MYH1: variants seen among roughly 807,000 people sequenced by gnomAD.
MYH1 encodes the protein myosin-1.
Under a neutral mutation model 225.6 loss-of-function variants are expected in MYH1, and 214 were observed. The observed-to-expected ratio is 0.95, with a 90% confidence interval of 0.85 to 1.06. MYH1 has a LOEUF of 1.06. Among genes scored for constraint, MYH1 ranks in the 50% least tolerant of loss-of-function variants. The pLI is 0.00. For synonymous variants in MYH1, 774 were observed against 842.3 expected (o/e 0.92, Z 1.40); for missense variants, 2,098 against 2,344.2 (o/e 0.89, Z 2.17).
Position 10,501,448 on chromosome 17 carries a change from C to T in MYH1, c.3400G>A (p.Ala1134Thr). 5 of 1,614,250 alleles carry T rather than the reference C, an allele frequency of 3.1e-6. No individual in the cohort carries two copies. Among genetic ancestry groups the T allele is most frequent in the Non-Finnish European group, 4.2e-6 (5 of 1,180,046 alleles). The change falls in exon 27 of 40, where the codon GCC becomes ACC. Residue 1134 changes from alanine (A) to threonine (T), a missense_variant. Physicochemically the swap from Ala to Thr is moderately conservative, Grantham distance 58. Coordinates refer to ENST00000226207, the MANE Select transcript of MYH1 (RefSeq NM_005963.4). ...EEIEAERASR[A>T]KAEKQRSDLS... ...TCAGAGCGCTGCTTCTCTGCTTTGG[C>T]CCGGGAGGCCCGCTCTGCCTCGATT...
At chr17:10,496,949 T>C in intron 33 of MYH1, 120 bp downstream of exon 33, 1 of 1,304,314 alleles carries the variant, frequency 7.7e-7, no homozygotes, top group South Asian at 1.5e-5. Context: ...AGTTCTCCAT[T>C]CTCATCCCTA....
rs751073866 is a variant in MYH1, at chr17:10,501,447, G to A, written c.3401C>T (p.Ala1134Val). The change falls in exon 27 of 40, where the codon GCC becomes GTC. Residue 1134 changes from alanine to valine, a missense_variant. Ala to Val is a moderately conservative substitution (Grantham distance 64, BLOSUM62 0). Coordinates refer to ENST00000226207, the MANE Select transcript of MYH1 (RefSeq NM_005963.4). ...EEIEAERASRAKAEKQRSDLS... is the reference protein window; with the variant it reads ...EEIEAERASRVKAEKQRSDLS... The stretch of plus-strand genomic sequence containing the variant: ...ATCAGAGCGCTGCTTCTCTGCTTTG[G>A]CCCGGGAGGCCCGCTCTGCCTCGAT... 1.9e-6 allele frequency: 3 copies of A among 1,614,246 alleles called. No homozygotes were observed. Among genetic ancestry groups the A allele is most frequent in the Non-Finnish European group, 2.5e-6 (3 of 1,180,054 alleles).
At chr17:10,501,540 G>T in intron 26 of MYH1, 41 bp from the exon 27 acceptor site, 1 of 1,614,172 alleles carries the variant, frequency 6.2e-7, no homozygotes, top group South Asian at 1.1e-5. Context: ...TCAACTTCTT[G>T]GTGTCAGTAA....
intron 17 of MYH1, 115 bp downstream of exon 17, chr17:10,507,771 T>C: frequency 1.2e-6 from 1 of 854,168 alleles, no homozygotes; most frequent in Non-Finnish European, 1.9e-6. Context: ...CCAGCTGAAC[T>C]ATCTCGTTGA....
At position 10,497,135 on chromosome 17, in the gene MYH1, C is replaced by T. The variant is rs766676567; in HGVS notation, c.4590G>A (p.Leu1530=). The T allele has an allele frequency of 1.2e-5, 19 of 1,613,946 alleles. No individual in the cohort carries two copies. Among genetic ancestry groups the T allele is most frequent in the Non-Finnish European group, 1.1e-5 (13 of 1,180,010 alleles). Reference sequence around the variant, plus strand: ...GCTCAACTTGCTTCTTTATTTTTTCCAGTTCATGGATGCGCTTTCCTCCTT... The same window carrying T: ...GCTCAACTTGCTTCTTTATTTTTTCTAGTTCATGGATGCGCTTTCCTCCTT... ...IAEGGKRIHE[L]EKIKKQVEQE... Residue 1530 remains leucine, a synonymous_variant, in exon 33 of 40, where the codon CTG becomes CTA. Coordinates refer to ENST00000226207, the MANE Select transcript of MYH1 (RefSeq NM_005963.4).
intron 10 of MYH1, 36 bp downstream of exon 10, chr17:10,512,831 C>A (rs778710569): frequency 5.0e-6 from 8 of 1,599,256 alleles, no homozygotes; most frequent in Non-Finnish European, 6.9e-6. Flanking sequence ...GAAGATAGTA[C>A]AGTGACAATC....
At chr17:10,505,751 T>C in intron 19 of MYH1, 61 bp downstream of exon 19, 1 of 1,599,196 alleles carries the variant, frequency 6.3e-7, no homozygotes, top group East Asian at 2.2e-5. Flanking sequence ...ATTCTTTCAT[T>C]GAAAAATGTT....
intron 5 of MYH1, among the ~76,000 whole-genome samples, chr17:10,515,245 C>G (rs1015720641): frequency 6.6e-6 from 1 of 152,150 alleles, no homozygotes; most frequent in Non-Finnish European, 1.5e-5. Context: ...TGTCAGATGA[C>G]TTCACAAAGA....
Position 10,502,922 on chromosome 17 carries a change from G to T in MYH1, c.2935-8C>A. Reference sequence around the variant, plus strand: ...TTCTGTGAGGTTTTTCACCTACAAAGGTGAAGAAAGCAGCTTAGTTGCTCT... The same window carrying T: ...TTCTGTGAGGTTTTTCACCTACAAATGTGAAGAAAGCAGCTTAGTTGCTCT... On this transcript the variant is annotated splice_region_variant and splice_polypyrimidine_tract_variant and intron_variant, in intron 23 of 39. Transcript: ENST00000226207. 6.2e-7 allele frequency: 1 copy of T among 1,614,116 alleles called. No individual in the cohort carries two copies. The highest frequency in any genetic ancestry group is 8.5e-7 in the Non-Finnish European group (1 of 1,180,030).
chr17:10,499,344 G>A (rs537141315), intron 28 of MYH1, among the ~76,000 whole-genome samples: 26 of 152,138 alleles, frequency 1.7e-4, no homozygotes, highest in Non-Finnish European at 2.5e-4. Context: ...TTATTTGATC[G>A]TAGTCAAAAT....
In MYH1 at chr17:10,495,654, C is replaced by T. The variant is rs1057339412; in HGVS notation, c.5169+296G>A. On this transcript the variant is annotated intron_variant, in intron 35 of 39. Transcript: ENST00000226207. ...CGGGCGCCTGTAGTCCCAGGTACTC[C>T]GGAGGCTGAGGCAGGAGAATGGCGT... 3.3e-5 allele frequency among the ~76,000 whole-genome samples: 5 copies of T among 149,770 alleles called. No homozygotes were observed. The South Asian group carries it at 6.4e-4, about 19-fold the overall frequency.
intron 39 of MYH1, among the ~76,000 whole-genome samples, chr17:10,493,537 A>G (rs2072956596): frequency 6.6e-6 from 1 of 152,250 alleles, no homozygotes; most frequent in African/African-American, 2.4e-5. Flanking sequence ...AGTGTTAAGA[A>G]TCTACTGATT....
In MYH1 at chr17:10,516,271, G is replaced by T. The variant is rs1037292165; in HGVS notation, c.276C>A (p.Ala92=). 2 of 1,614,058 alleles carry T rather than the reference G, an allele frequency of 1.2e-6. No homozygotes were observed. Among genetic ancestry groups the T allele is most frequent in the Non-Finnish European group, 1.7e-6 (2 of 1,180,032 alleles). The part of the protein sequence containing the change: ...PPKYDKIEDM[A]MMTHLHEPAV... Reference sequence around the variant, plus strand: ...CAGGCTCGTGTAGATGAGTCATCATGGCCATGTCCTCGATCTTGTCATATT... The same window carrying T: ...CAGGCTCGTGTAGATGAGTCATCATTGCCATGTCCTCGATCTTGTCATATT... The change falls in exon 4 of 40, where the codon GCC becomes GCA. Residue 92 remains alanine, a synonymous_variant. Transcript: ENST00000226207.
chr17:10,502,227 T>A (rs1285481096), intron 24 of MYH1, among the ~76,000 whole-genome samples: 3 of 152,246 alleles, frequency 2.0e-5, no homozygotes, highest in African/African-American at 7.2e-5. Context: ...TGAACTTTTT[T>A]AACGCCTCCC....
At chr17:10,494,844 G>A in intron 37 of MYH1, 87 bp downstream of exon 37, 1 of 1,609,612 alleles carries the variant, frequency 6.2e-7, no homozygotes, top group Non-Finnish European at 8.5e-7. Flanking sequence ...ATCTCAGTAT[G>A]CCCCACATCA....
In MYH1 at chr17:10,516,682, G is replaced by T. The variant is rs773393229; in HGVS notation, c.-40C>A. 9.3e-6 allele frequency: 15 copies of T among 1,605,392 alleles called. No homozygotes were observed. In the East Asian group the frequency reaches 3.3e-4, roughly 36 times the overall value. On this transcript the variant is annotated splice_region_variant and 5_prime_UTR_variant, in exon 3 of 40. Coordinates refer to ENST00000226207, the MANE Select transcript of MYH1 (RefSeq NM_005963.4). ...GATGGTAGCCCAGTTAAGGACCCTG[G>T]CTGGGAGAGGAAGAAAAGAAATTGT...
Position 10,503,146 on chromosome 17 carries a change from C to G in MYH1, c.2794G>C (p.Asp932His). The change falls in exon 23 of 40, where the codon GAT becomes CAT. Residue 932 changes from aspartate to histidine, a missense_variant. By Grantham distance (81) the Asp-to-His change is moderately conservative. Transcript: ENST00000226207. Reference sequence around the variant, plus strand: ...AGCTCAGCATTGATCTCTTCCTCATCCTCAGCTCTCTCAGTCACCTCTTTG... The same window carrying G: ...AGCTCAGCATTGATCTCTTCCTCATGCTCAGCTCTCTCAGTCACCTCTTTG... ...KIKEVTERAE[D>H]EEEINAELTA... The G allele has an allele frequency of 1.2e-6, 2 of 1,613,918 alleles. No homozygotes were observed. The highest frequency in any genetic ancestry group is 1.3e-5 in the African/African-American group (1 of 75,008).
chr17:10,498,217 T>G (rs2073016257), intron 30 of MYH1, among the ~76,000 whole-genome samples: 1 of 152,240 alleles, frequency 6.6e-6, no homozygotes, highest in Non-Finnish European at 1.5e-5. Context: ...AATATTAATA[T>G]CTACCTTGAA....
chr17:10,513,544 A>G (rs964008602), intron 9 of MYH1, 82 bp downstream of exon 9: 12 of 1,337,278 alleles, frequency 9.0e-6, no homozygotes, highest in Non-Finnish European at 1.3e-5. Context: ...TACAAGCTCC[A>G]TGTTCAGCAG....
Sources: allele counts gnomAD v4.1 joint callset (sites outside exome capture counted in the v4.1 genomes callset), GRCh38; gene constraint gnomAD v4.1.1; transcripts MANE v1.5; gene names NCBI Gene and HGNC (gene_info 2026-07-23, HGNC 2026-07-21).